ASGR2: variants seen among roughly 807,000 people sequenced by gnomAD.
ASGR2 encodes C-type lectin domain family 4 member H2.
Under a neutral mutation model 32.3 loss-of-function variants are expected in ASGR2, and 34 were observed. The ratio of observed to expected loss-of-function variants is 1.05; its 90% CI spans 0.80 to 1.40. ASGR2 has a LOEUF of 1.40. Among genes scored for constraint, ASGR2 ranks in the 40% most tolerant of loss-of-function variants. The pLI, the probability that ASGR2 is intolerant of heterozygous loss-of-function variation, is 0.00. For missense variants in ASGR2, 385 were observed against 386.4 expected, an observed-to-expected ratio of 1.00 and a Z score of 0.03; for synonymous variants, 143 against 150.0, an observed-to-expected ratio of 0.95 and a Z score of 0.34.
At position 7,111,149 on chromosome 17, in the gene ASGR2, C is replaced by A. The variant is rs561096741; in HGVS notation, c.125-2261G>T. On this transcript the variant is annotated intron_variant, in intron 2 of 8. Coordinates refer to ENST00000691900, the MANE Select transcript of ASGR2 (RefSeq NM_001201352.2). Reference sequence around the variant, plus strand: ...AGCCAATCAAAGATTACAAGGCATGCAATGAAACGGGAAAACACAATGCAT... The same window carrying A: ...AGCCAATCAAAGATTACAAGGCATGAAATGAAACGGGAAAACACAATGCAT... Among the ~76,000 whole-genome samples, 4 of 152,190 alleles carry A rather than the reference C, an allele frequency of 2.6e-5. No homozygotes were observed. In the South Asian group the frequency reaches 8.3e-4, roughly 32 times the overall value.
chr17:7,103,049 G>C (rs1272586130), intron 7 of ASGR2, among the ~76,000 whole-genome samples: 1 of 152,120 alleles, frequency 6.6e-6, no homozygotes, highest in African/African-American at 2.4e-5. Flanking sequence ...CCCGTGGTTC[G>C]GTAGGGTAGG....
Position 7,108,663 on chromosome 17 carries a change from C to T in ASGR2, c.242-106G>A. 2 of 1,602,738 alleles carry T rather than the reference C, an allele frequency of 1.2e-6. No homozygotes were observed. The highest frequency in any genetic ancestry group is 2.2e-5 in the South Asian group (2 of 89,762). On this transcript the variant is annotated intron_variant, in intron 3 of 8. Transcript: ENST00000691900. This position sits in a 1 kb window ranked among gnomAD's most constrained non-coding sequence, Gnocchi z 4.9. ...CCCCGCATTTGCCCCAGCTTGTGCT[C>T]CACCCCGCCTCCATCCCTTCCCCTC... is the stretch of plus-strand genomic sequence containing the variant.
intron 7 of ASGR2, 80 bp downstream of exon 7, chr17:7,106,919 AT>A (rs1380156514): frequency 5.4e-5 from 81 of 1,495,870 alleles, no homozygotes; most frequent in East Asian, 1.8e-4. Flanking sequence ...AAAAAAAAAA[AT>A]GGATAAAATA....
chr17:7,102,453 G>A (rs1912989477), intron 7 of ASGR2, among the ~76,000 whole-genome samples: 1 of 152,200 alleles, frequency 6.6e-6, no homozygotes, highest in Non-Finnish European at 1.5e-5. Flanking sequence ...TCTCTAAGAT[G>A]GGCACTGCAG....
rs1025353898 is a variant in ASGR2, at chr17:7,114,652, A to G, written c.-108T>C. 1.7e-5 allele frequency: 17 copies of G among 1,028,986 alleles called. No homozygotes were observed. Among genetic ancestry groups the G allele is most frequent in the African/African-American group, 1.4e-4 (8 of 58,638 alleles). The allele number at this position is 1,028,986 out of a possible 1,614,324, so 63.7% of individuals were successfully genotyped here. A position where few individuals can be genotyped will look rare whatever the true frequency, so the allele number is the denominator to read the frequency against. On this transcript the variant is annotated 5_prime_UTR_variant, in exon 1 of 9. Coordinates refer to ENST00000691900, the MANE Select transcript of ASGR2 (RefSeq NM_001201352.2). This position sits in a 1 kb window ranked among gnomAD's most constrained non-coding sequence, Gnocchi z 4.5. The stretch of plus-strand genomic sequence containing the variant: ...TGGAGAGCGGACACCTGGCTCCCGC[A>G]GGCAACCCTGGCCTTGGCCAAGGAG...
In ASGR2 at chr17:7,113,351, TCACA is replaced by T. The variant is rs570916891; in HGVS notation, c.124+762_124+765del. Among the ~76,000 whole-genome samples, 27 of 141,800 alleles carry T rather than the reference TCACA, an allele frequency of 1.9e-4. No individual in the cohort carries two copies. In the East Asian group the frequency reaches 4.5e-3, roughly 23 times the overall value. 93.0% of individuals were successfully genotyped at this position (141,800 alleles called of 152,430 possible). On this transcript the variant is annotated intron_variant, in intron 2 of 8. Transcript: ENST00000691900. The surrounding 1 kb of genome is among the most constrained non-coding windows in gnomAD (Gnocchi z 5.1). ...TAACACACACACTCACGCAACACAC[TCACA>T]CACACAACATACATAACACACTCAC... is the stretch of plus-strand genomic sequence containing the variant.
rs762570355 is a variant in ASGR2, at chr17:7,101,592, T to G, written c.904A>C (p.Thr302Pro). The change falls in exon 9 of 9, where the codon ACC becomes CCC. Residue 302 changes from threonine to proline, a missense_variant. Coordinates refer to ENST00000691900, the MANE Select transcript of ASGR2 (RefSeq NM_001201352.2). ...TGCTGGGGTCAGGCCACCTCGCCGG[T>G]GGCATTCCGCCTTTTCTCACACACC... ...RWVCEKRRNA[T>P]GEVA is the part of the protein sequence containing the mutation. 1.2e-6 allele frequency: 2 copies of G among 1,614,174 alleles called. No homozygotes were observed. The highest frequency in any genetic ancestry group is 8.5e-7 in the Non-Finnish European group (1 of 1,180,038).
rs1457450341 is a variant in ASGR2 at position 7,101,686 on chromosome 17, A to G, written c.810T>C (p.Ser270=). The G allele has an allele frequency of 6.2e-7, 1 of 1,614,094 alleles. No individual in the cohort carries two copies. Among genetic ancestry groups the G allele is most frequent in the Non-Finnish European group, 8.5e-7 (1 of 1,180,048 alleles). The stretch of plus-strand genomic sequence containing the variant: ...CCGGCTGGACTTCAACACAGTCTTC[A>G]CTTCCACCCAGCTCGTGCCCGTGCC... ...DNWHGHELGG[S]EDCVEVQPDG... is the part of the protein sequence containing the mutation. The change falls in exon 9 of 9, where the codon AGT becomes AGC. Residue 270 remains serine, a synonymous_variant. Coordinates refer to ENST00000691900, the MANE Select transcript of ASGR2 (RefSeq NM_001201352.2).
At position 7,107,823 on chromosome 17, in the gene ASGR2, G is replaced by A. The variant is rs368841391; in HGVS notation, c.409+13C>T. On this transcript the variant is annotated intron_variant, in intron 5 of 8. Coordinates refer to ENST00000691900, the MANE Select transcript of ASGR2 (RefSeq NM_001201352.2). This position sits in a 1 kb window ranked among gnomAD's most constrained non-coding sequence, Gnocchi z 5.0. ...TGCACGCACATGCGCACACACCCCG[G>A]AGGCTCTCTGACCTGCTTTCAGGTC... 106 of 1,611,666 alleles carry A rather than the reference G, an allele frequency of 6.6e-5. No individual in the cohort carries two copies. The highest frequency in any genetic ancestry group is 3.0e-4 in the Admixed American group (18 of 59,902).
In ASGR2 at chr17:7,107,775, TACACACACCGCACACGTACACA is replaced by T; in HGVS notation, c.409+39_409+60del. On this transcript the variant is annotated intron_variant, in intron 5 of 8. Coordinates refer to ENST00000691900, the MANE Select transcript of ASGR2 (RefSeq NM_001201352.2). This position sits in a 1 kb window ranked among gnomAD's most constrained non-coding sequence, Gnocchi z 5.0. ...CTACACACACCGCACACGTACACAC[TACACACACCGCACACGTACACA>T]TGCACGCACATGCGCACACACCCCG... is the stretch of plus-strand genomic sequence containing the variant. 1 of 1,460,916 alleles carries T rather than the reference TACACACACCGCACACGTACACA, an allele frequency of 6.8e-7. No homozygotes were observed. Among genetic ancestry groups the T allele is most frequent in the Non-Finnish European group, 9.3e-7 (1 of 1,074,402 alleles). 90.5% of individuals were successfully genotyped at this position (1,460,916 alleles called of 1,614,324 possible).
intron 7 of ASGR2, among the ~76,000 whole-genome samples, chr17:7,102,720 A>T (rs184339252): frequency 8.5e-5 from 13 of 152,228 alleles, no homozygotes; most frequent in African/African-American, 3.1e-4. Context: ...TCTCAAGTAC[A>T]TTGGCCCCTG....
Position 7,114,085 on chromosome 17 carries a change from G to T in ASGR2, c.124+32C>A. On this transcript the variant is annotated intron_variant, in intron 2 of 8. Transcript: ENST00000691900. This position sits in a 1 kb window ranked among gnomAD's most constrained non-coding sequence, Gnocchi z 4.5. ...AGAGCAATCATGAGCTGAGACAGAGGGGGAGCAAAGCCGCAGAAACTGCAC... is the reference window on the plus strand; with the variant it reads ...AGAGCAATCATGAGCTGAGACAGAGTGGGAGCAAAGCCGCAGAAACTGCAC... The T allele has an allele frequency of 6.2e-7, 1 of 1,613,280 alleles. No individual in the cohort carries two copies. Among genetic ancestry groups the T allele is most frequent in the Non-Finnish European group, 8.5e-7 (1 of 1,179,658 alleles).
In ASGR2 at chr17:7,107,321, GGACA is replaced by G. The variant is rs747180895; in HGVS notation, c.410-8_410-5del. The G allele has an allele frequency of 1.2e-6, 2 of 1,612,260 alleles. No homozygotes were observed. The highest frequency in any genetic ancestry group is 3.3e-5 in the Admixed American group (2 of 60,010). On this transcript the variant is annotated splice_region_variant and splice_polypyrimidine_tract_variant and intron_variant, in intron 5 of 8. Coordinates refer to ENST00000691900, the MANE Select transcript of ASGR2 (RefSeq NM_001201352.2). This position sits in a 1 kb window ranked among gnomAD's most constrained non-coding sequence, Gnocchi z 5.0. ...TGGAAGAGCAGGGCATCGTGATCTA[GGACA>G]GACAGGCTGAAAGTGCTGCCGGCAG... is the stretch of plus-strand genomic sequence containing the variant.
rs767651841 is a variant in ASGR2, at chr17:7,114,107, G to A, written c.124+10C>T. The A allele has an allele frequency of 1.2e-6, 2 of 1,613,984 alleles. No individual in the cohort carries two copies. The highest frequency in any genetic ancestry group is 1.7e-6 in the Non-Finnish European group (2 of 1,179,988). On this transcript the variant is annotated intron_variant, in intron 2 of 8. Coordinates refer to ENST00000691900, the MANE Select transcript of ASGR2 (RefSeq NM_001201352.2). This position sits in a 1 kb window ranked among gnomAD's most constrained non-coding sequence, Gnocchi z 4.5. ...GAGGGGGAGCAAAGCCGCAGAAACT[G>A]CACACTTGCCTTTCAAAAATGGATT...
chr17:7,108,689 C>T lies in ASGR2; in HGVS notation c.241+83G>A, dbSNP rs1295806083. ...CACCCCGCCTCCATCCCTTCCCCTC[C>T]CATCGCCCCGATCGCTGCCCGCCAC... On this transcript the variant is annotated intron_variant, in intron 3 of 8. Transcript: ENST00000691900. This position sits in a 1 kb window ranked among gnomAD's most constrained non-coding sequence, Gnocchi z 4.9. 6.2e-6 allele frequency: 10 copies of T among 1,610,038 alleles called. No homozygotes were observed. In the South Asian group the frequency reaches 6.6e-5, roughly 11 times the overall value.
At position 7,108,360 on chromosome 17, in the gene ASGR2, G is replaced by A; in HGVS notation, c.337+102C>T. 1 of 1,290,606 alleles carries A rather than the reference G, an allele frequency of 7.7e-7. No individual in the cohort carries two copies. 79.9% of individuals were successfully genotyped at this position (1,290,606 alleles called of 1,614,324 possible). On this transcript the variant is annotated intron_variant, in intron 4 of 8. Transcript: ENST00000691900. The surrounding 1 kb of genome is among the most constrained non-coding windows in gnomAD (Gnocchi z 4.9). ...CCAGGGCCCCTGGACGCCTTGCCCA[G>A]CCTGCACCCCCACGGCACCCCACAC...
chr17:7,104,645 C>A (rs1913370525), intron 7 of ASGR2, among the ~76,000 whole-genome samples: 1 of 151,608 alleles, frequency 6.6e-6, no homozygotes, highest in Non-Finnish European at 1.5e-5. Context: ...AGCAAGTCTC[C>A]ATTTCAAAAA....
At chr17:7,104,001 T>TA (rs71157244) in intron 7 of ASGR2, among the ~76,000 whole-genome samples, 9,499 of 133,908 alleles carry the variant, frequency 0.071, 360 homozygotes, top group South Asian at 0.15. Context: ...AAAGAAGATA[T>TA]AAAAAAAAAA....
At position 7,107,187 on chromosome 17, in the gene ASGR2, C is replaced by T. The variant is rs116428304; in HGVS notation, c.497-36G>A. On this transcript the variant is annotated intron_variant, in intron 6 of 8. Coordinates refer to ENST00000691900, the MANE Select transcript of ASGR2 (RefSeq NM_001201352.2). This position sits in a 1 kb window ranked among gnomAD's most constrained non-coding sequence, Gnocchi z 5.0. The stretch of plus-strand genomic sequence containing the variant: ...AGGGGGCAGGGAGATGAGATCCAGC[C>T]GGAGGGGCAGGCACACTGGGCCTGG... 9.7e-5 allele frequency: 157 copies of T among 1,614,146 alleles called. No individual in the cohort carries two copies. In the African/African-American group the frequency reaches 1.8e-3, roughly 18 times the overall value.
Sources: gnomAD v4.1 joint callset for allele counts (sites outside exome capture counted in the v4.1 genomes callset) on GRCh38, gnomAD v4.1.1 for gene constraint, Gnocchi (gnomAD v3.1) non-coding constraint, MANE v1.5 for transcripts, NCBI Gene and HGNC (gene_info 2026-07-23, HGNC 2026-07-21) for gene names.